The following SLC9A9 variants were observed in gnomAD, a reference collection of about 807,000 sequenced individuals.
SLC9A9 encodes the protein sodium/hydrogen exchanger 9.
SLC9A9 carries 62 observed loss-of-function variants against 77.8 expected under a neutral mutation model. That is an observed-to-expected ratio of 0.80 (90% CI 0.65 to 0.98). SLC9A9 has a LOEUF of 0.98. SLC9A9 is among the 50% of genes least tolerant of loss of function. SLC9A9 has a pLI of 0.00. For synonymous variants in SLC9A9, 320 were observed against 283.5 expected, an observed-to-expected ratio of 1.13 and a Z score of -1.29; for missense variants, 775 against 774.9, an observed-to-expected ratio of 1.00 and a Z score of 0.00.
intron 14 of SLC9A9, among the ~76,000 whole-genome samples, chr3:143,330,684 G>A (rs906254811): frequency 6.6e-6 from 1 of 152,136 alleles, no homozygotes; most frequent in Non-Finnish European, 1.5e-5. Context: ...ATGCTTAACT[G>A]TGTTATAACA....
chr3:143,556,223 T>C (rs2036978366), intron 8 of SLC9A9, among the ~76,000 whole-genome samples: 1 of 152,236 alleles, frequency 6.6e-6, no homozygotes, highest in South Asian at 2.1e-4. Context: ...TTAAACTCTA[T>C]GAACCTCAGA....
At chr3:143,770,316 A>G (rs893347231) in intron 4 of SLC9A9, among the ~76,000 whole-genome samples, 4 of 152,206 alleles carry the variant, frequency 2.6e-5, no homozygotes, top group Non-Finnish European at 2.9e-5. Context: ...AATAATTAAG[A>G]TAGTAAGGTA....
intron 4 of SLC9A9, among the ~76,000 whole-genome samples, chr3:143,765,577 T>C (rs557466243): frequency 6.6e-6 from 1 of 152,330 alleles, no homozygotes; most frequent in Admixed American, 6.5e-5. Flanking sequence ...GCATCAATTG[T>C]CAGATGGTGC....
chr3:143,496,465 C>T (rs1234512714), intron 9 of SLC9A9, among the ~76,000 whole-genome samples: 1 of 152,190 alleles, frequency 6.6e-6, no homozygotes, highest in African/African-American at 2.4e-5. Flanking sequence ...TACAGCCCCA[C>T]AAATAATGCC....
chr3:143,343,143 TTTTGA>T (rs1260437631), intron 14 of SLC9A9, among the ~76,000 whole-genome samples: 1 of 152,132 alleles, frequency 6.6e-6, no homozygotes, highest in East Asian at 1.9e-4. Context: ...GAGATAATGG[TTTTGA>T]TTGTGCTAGA....
intron 4 of SLC9A9, among the ~76,000 whole-genome samples, chr3:143,758,483 G>A (rs2007004299): frequency 6.6e-6 from 1 of 152,076 alleles, no homozygotes. Context: ...ATGGGGCAGT[G>A]GCCCTCACAT....
intron 9 of SLC9A9, among the ~76,000 whole-genome samples, chr3:143,531,106 T>G (rs1473574881): frequency 6.6e-6 from 1 of 152,230 alleles, no homozygotes; most frequent in African/African-American, 2.4e-5. Context: ...ACAACACTAT[T>G]CATTCAACAA....
At chr3:143,583,539 G>A (rs1480846449) in intron 6 of SLC9A9, among the ~76,000 whole-genome samples, 1 of 152,110 alleles carries the variant, frequency 6.6e-6, no homozygotes, top group African/African-American at 2.4e-5. Flanking sequence ...CTGAGTTCTG[G>A]GTGTAAGTCT....
chr3:143,807,596 T>A (rs1245687595), intron 2 of SLC9A9, among the ~76,000 whole-genome samples: 2 of 152,194 alleles, frequency 1.3e-5, no homozygotes, highest in African/African-American at 4.8e-5. Flanking sequence ...AATACAAAAA[T>A]TAGCTGGGCA....
intron 12 of SLC9A9, among the ~76,000 whole-genome samples, chr3:143,438,542 C>T (rs550671482): frequency 6.6e-6 from 1 of 152,282 alleles, no homozygotes; most frequent in South Asian, 2.1e-4. Flanking sequence ...CAAACCTGTG[C>T]CTGAGATTCA....
chr3:143,612,015 T>G (rs887060235), intron 6 of SLC9A9, among the ~76,000 whole-genome samples: 7 of 152,342 alleles, frequency 4.6e-5, no homozygotes, highest in Middle Eastern at 3.4e-3. Context: ...TAAGCCACCA[T>G]GCCTGGCCTA....
chr3:143,556,314 C>T (rs1257283671), intron 8 of SLC9A9, among the ~76,000 whole-genome samples: 4 of 152,190 alleles, frequency 2.6e-5, no homozygotes, highest in African/African-American at 9.7e-5. Flanking sequence ...AAACCAGTGT[C>T]TCAGCTCCAA....
At position 143,636,106 on chromosome 3, in the gene SLC9A9, A is replaced by T. The variant is rs530140160; in HGVS notation, c.755+16149T>A. 5.9e-5 allele frequency among the ~76,000 whole-genome samples: 9 copies of T among 152,324 alleles called. No individual in the cohort carries two copies. In the East Asian group the frequency reaches 1.2e-3, roughly 20 times the overall value. On this transcript the variant is annotated intron_variant, in intron 6 of 15. Transcript: ENST00000316549. ...GAAGATATAGTTTACTTGTGGGAGA[A>T]TTGGCTTTTGAATCTTGTCATCCTG...
At chr3:143,708,864 G>A (rs1934066328) in intron 4 of SLC9A9, among the ~76,000 whole-genome samples, 1 of 152,174 alleles carries the variant, frequency 6.6e-6, no homozygotes, top group Non-Finnish European at 1.5e-5. Context: ...TAACAAGCAT[G>A]TGCAAATAAC....
At chr3:143,743,081 A>G (rs1935112432) in intron 4 of SLC9A9, among the ~76,000 whole-genome samples, 1 of 151,860 alleles carries the variant, frequency 6.6e-6, no homozygotes, top group African/African-American at 2.4e-5. Flanking sequence ...TTTAGACACT[A>G]CTCCACTTCC....
At position 143,442,479 on chromosome 3, in the gene SLC9A9, T is replaced by C. The variant is rs568617013; in HGVS notation, c.1469+24558A>G. On this transcript the variant is annotated intron_variant, in intron 12 of 15. Coordinates refer to ENST00000316549, the MANE Select transcript of SLC9A9 (RefSeq NM_173653.4). ...GCTCATGCCTGTAATCCCAGCACTT[T>C]GGGAGGCTGAGGCGGGTAGATCACC... Among the ~76,000 whole-genome samples, 1,009 of 152,236 alleles carry C rather than the reference T, an allele frequency of 6.6e-3. 4 individuals carry two copies. Among genetic ancestry groups the C allele is most frequent in the Non-Finnish European group, 9.4e-3 (641 of 68,010 alleles).
At chr3:143,279,069 G>T (rs1446400670) in intron 14 of SLC9A9, among the ~76,000 whole-genome samples, 1 of 152,110 alleles carries the variant, frequency 6.6e-6, no homozygotes, top group East Asian at 1.9e-4. Flanking sequence ...TGTGTCCCTT[G>T]AGTTACAGGT....
At chr3:143,355,180 C>T (rs2032554073) in intron 14 of SLC9A9, among the ~76,000 whole-genome samples, 1 of 152,120 alleles carries the variant, frequency 6.6e-6, no homozygotes, top group Non-Finnish European at 1.5e-5. Context: ...TGAAACCTTT[C>T]CTTTATGGAA....
At chr3:143,296,627 G>C (rs555932172) in intron 14 of SLC9A9, among the ~76,000 whole-genome samples, 1 of 152,100 alleles carries the variant, frequency 6.6e-6, no homozygotes, top group African/African-American at 2.4e-5. Flanking sequence ...CATAGCATCC[G>C]CACCATTTTA....
Sources: gnomAD v4.1 joint callset for allele counts (sites outside exome capture counted in the v4.1 genomes callset) on GRCh38, gnomAD v4.1.1 for gene constraint, MANE v1.5 for transcripts, NCBI Gene and HGNC (gene_info 2026-07-23, HGNC 2026-07-21) for gene names.